CDH6: variants seen among roughly 807,000 people sequenced by gnomAD.
CDH6 encodes cadherin-6.
Under a neutral mutation model 78.0 loss-of-function variants are expected in CDH6, and 31 were observed. The ratio of observed to expected loss-of-function variants is 0.40; its 90% confidence interval spans 0.30 to 0.54. The LOEUF (loss-of-function observed/expected upper bound fraction) is 0.54, where lower values mean the gene tolerates loss of function less well. Among genes scored for constraint, CDH6 ranks in the 20% least tolerant of loss-of-function variants. The probability of loss-of-function intolerance (pLI) is 0.56; values close to 1 mark genes in which losing one functional copy is unlikely to be tolerated. For missense variants in CDH6, 724 were observed against 975.9 expected, an observed-to-expected ratio of 0.74 and a Z score of 3.44; for synonymous variants, 376 against 368.8, an observed-to-expected ratio of 1.02 and a Z score of -0.23.
chr5:31,294,313 T>A lies in CDH6; in HGVS notation c.523+57T>A. On this transcript the variant is annotated intron_variant, in intron 3 of 11. Coordinates refer to ENST00000265071, the MANE Select transcript of CDH6 (RefSeq NM_004932.4). The surrounding 1 kb of genome is among the most constrained non-coding windows in gnomAD (Gnocchi z 4.1). The stretch of plus-strand genomic sequence containing the variant: ...GCTTTCCCCTAGTGCATCCACTGAG[T>A]AAGGAATCCCACGAGCTCAAAGTAC... 1 of 1,422,378 alleles carries A rather than the reference T, an allele frequency of 7.0e-7. No homozygotes were observed. The highest frequency in any genetic ancestry group is 1.9e-5 in the Admixed American group (1 of 52,420). The allele number at this position is 1,422,378 out of a possible 1,614,324, so 88.1% of individuals were successfully genotyped here. A position where few individuals can be genotyped will look rare whatever the true frequency, so the allele number is the denominator to read the frequency against.
At chr5:31,229,505 C>T (rs574582704) in intron 1 of CDH6, among the ~76,000 whole-genome samples, 6 of 152,180 alleles carry the variant, frequency 3.9e-5, no homozygotes, top group African/African-American at 9.7e-5. Context: ...TTGGCTCTTA[C>T]GACTGTATGG....
At chr5:31,205,118 A>C (rs1307178392) in intron 1 of CDH6, among the ~76,000 whole-genome samples, 2 of 152,226 alleles carry the variant, frequency 1.3e-5, no homozygotes, top group African/African-American at 2.4e-5. Flanking sequence ...AGATGAGGGC[A>C]TCCCTTGTAA....
chr5:31,239,566 AC>A (rs1741542291), intron 1 of CDH6, among the ~76,000 whole-genome samples: 1 of 152,230 alleles, frequency 6.6e-6, no homozygotes. Flanking sequence ...ATATGGAAGT[AC>A]CTATTTACAA....
intron 5 of CDH6, among the ~76,000 whole-genome samples, chr5:31,301,867 C>G (rs923764115): frequency 3.3e-5 from 5 of 152,154 alleles, no homozygotes; most frequent in African/African-American, 1.2e-4. Context: ...AACTTTGGAG[C>G]CTGTTTACAG....
chr5:31,296,173 A>T (rs1737589915), intron 3 of CDH6, among the ~76,000 whole-genome samples: 1 of 152,158 alleles, frequency 6.6e-6, no homozygotes, highest in Non-Finnish European at 1.5e-5. Context: ...GATGTAACTT[A>T]CCTACCCCTT....
chr5:31,230,781 T>C (rs1741291857), intron 1 of CDH6, among the ~76,000 whole-genome samples: 2 of 152,130 alleles, frequency 1.3e-5, no homozygotes, highest in African/African-American at 4.8e-5. Flanking sequence ...AAATTAGAGA[T>C]GTATACAAAA....
intron 7 of CDH6, among the ~76,000 whole-genome samples, chr5:31,311,810 C>G (rs1488060013): frequency 6.6e-6 from 1 of 152,224 alleles, no homozygotes; most frequent in Non-Finnish European, 1.5e-5. Flanking sequence ...ATACAATCAC[C>G]TCCCATCACG....
chr5:31,239,514 G>A (rs1258480719), intron 1 of CDH6, among the ~76,000 whole-genome samples: 1 of 152,158 alleles, frequency 6.6e-6, no homozygotes, highest in Non-Finnish European at 1.5e-5. Context: ...AGAAAACACT[G>A]ATATGAAATG....
intron 2 of CDH6, among the ~76,000 whole-genome samples, chr5:31,273,045 A>G (rs10461897): frequency 0.37 from 56,677 of 151,832 alleles, 10,852 homozygotes; most frequent in African/African-American, 0.44. Context: ...AAGATAATTA[A>G]ACAGTAACGT....
intron 2 of CDH6, among the ~76,000 whole-genome samples, chr5:31,290,175 G>A (rs766760016): frequency 3.7e-4 from 56 of 152,158 alleles, no homozygotes; most frequent in Non-Finnish European, 2.4e-4. Context: ...CAAGAGAATT[G>A]CTTGAACCTG....
intron 1 of CDH6, among the ~76,000 whole-genome samples, chr5:31,216,650 T>C (rs1310537730): frequency 7.1e-6 from 1 of 140,724 alleles, no homozygotes; most frequent in Non-Finnish European, 1.5e-5. Context: ...AACAGTCCAC[T>C]GACTCCTGCT....
chr5:31,250,957 A>C (rs538270405), intron 1 of CDH6: 1 of 152,412 alleles, frequency 6.6e-6, no homozygotes, highest in African/African-American at 2.4e-5. Flanking sequence ...CACTTGAACC[A>C]CCTCTCAGTG....
chr5:31,308,001 A>G (rs1348445008), intron 7 of CDH6, among the ~76,000 whole-genome samples: 1 of 152,150 alleles, frequency 6.6e-6, no homozygotes, highest in African/African-American at 2.4e-5. Flanking sequence ...AAGACTAGAA[A>G]TACTTATAGA....
intron 2 of CDH6, among the ~76,000 whole-genome samples, chr5:31,289,888 C>T (rs1743108966): frequency 1.3e-5 from 2 of 152,140 alleles, no homozygotes; most frequent in East Asian, 3.9e-4. Flanking sequence ...AAAGATGCTG[C>T]CATGGTTTTG....
At chr5:31,255,343 C>T (rs1742028009) in intron 1 of CDH6, among the ~76,000 whole-genome samples, 2 of 152,154 alleles carry the variant, frequency 1.3e-5, no homozygotes, top group East Asian at 1.9e-4. Flanking sequence ...CAACAAAAGA[C>T]GAATGTGATT....
At chr5:31,241,835 T>C (rs1415169693) in intron 1 of CDH6, among the ~76,000 whole-genome samples, 2 of 152,214 alleles carry the variant, frequency 1.3e-5, no homozygotes, top group African/African-American at 4.8e-5. Context: ...AGTCTCACCA[T>C]GTGCCTAGAA....
At chr5:31,297,609 T>C (rs1737645687) in intron 4 of CDH6, among the ~76,000 whole-genome samples, 3 of 152,188 alleles carry the variant, frequency 2.0e-5, no homozygotes, top group Admixed American at 1.3e-4. Context: ...ACCCACCCTT[T>C]CTATGGAGTA....
At position 31,326,089 on chromosome 5, in the gene CDH6, AG is replaced by A. The variant is rs34980494; in HGVS notation, c.*2782del. On this transcript the variant is annotated 3_prime_UTR_variant, in exon 12 of 12. Transcript: ENST00000265071. ...TGGAGAAAAAAATAATTTTCAGCCC[AG>A]TTTTTTCATTGTCTGTTTCCTAATT... The A allele has an allele frequency of 0.46, 105,153 of 230,904 alleles. 26,277 individuals are homozygous for A. The highest frequency in any genetic ancestry group is 0.53 in the East Asian group (8,599 of 16,210). The allele number at this position is 230,904 out of a possible 1,614,324, so 14.3% of individuals were successfully genotyped here.
intron 1 of CDH6, among the ~76,000 whole-genome samples, chr5:31,244,702 T>C (rs1476279488): frequency 6.6e-6 from 1 of 152,168 alleles, no homozygotes; most frequent in African/African-American, 2.4e-5. Context: ...CCTTGGGCTG[T>C]AAACAATAGG....
Sources: allele counts gnomAD v4.1 joint callset (sites outside exome capture counted in the v4.1 genomes callset), GRCh38; gene constraint gnomAD v4.1.1; non-coding constraint Gnocchi (gnomAD v3.1); transcripts MANE v1.5; gene names NCBI Gene and HGNC (gene_info 2026-07-23, HGNC 2026-07-21).